Variants in MPHOSPH9 observed in about 807,000 individuals in gnomAD.
MPHOSPH9 encodes M-phase phosphoprotein 9.
In MPHOSPH9, 88 loss-of-function variants were observed where a neutral mutation model predicts 145.5. The observed-to-expected ratio is 0.60, with a 90% CI of 0.51 to 0.72. The LOEUF is 0.72. MPHOSPH9 is among the 30% of genes least tolerant of loss of function. MPHOSPH9 has a pLI of 0.00. For missense variants in MPHOSPH9, 1,238 were observed against 1,386.6 expected (o/e 0.89, Z 1.70); for synonymous variants, 435 against 486.2 (o/e 0.89, Z 1.39).
intron 13 of MPHOSPH9, among the ~76,000 whole-genome samples, chr12:123,189,208 C>T (rs2045572383): frequency 6.6e-6 from 1 of 152,146 alleles, no homozygotes; most frequent in Non-Finnish European, 1.5e-5. Flanking sequence ...GTGGCCTTAG[C>T]TGACAGCCAC....
intron 13 of MPHOSPH9, among the ~76,000 whole-genome samples, chr12:123,188,937 G>A (rs899646358): frequency 5.3e-5 from 8 of 152,132 alleles, no homozygotes; most frequent in African/African-American, 1.9e-4. Context: ...TCAGAGGGCT[G>A]AGGCAGGAAG....
rs181767376 is a variant in MPHOSPH9 at position 123,185,756 on chromosome 12, T to A, written c.2242-4546A>T. Among the ~76,000 whole-genome samples the A allele has an allele frequency of 1.2e-4, 18 of 151,950 alleles. No homozygotes were observed. In the East Asian group the frequency reaches 2.3e-3, roughly 20 times the overall value. ...GTGAGATCCTGTCTCAAAGAAATGA[T>A]AACAATAAATGCAATGTGTGATCCT... is the stretch of plus-strand genomic sequence containing the variant. On this transcript the variant is annotated intron_variant, in intron 13 of 23. Transcript: ENST00000606320.
At chr12:123,236,015 G>A (rs1794874298), upstream of MPHOSPH9, among the ~76,000 whole-genome samples, 1 of 152,008 alleles carries the variant, frequency 6.6e-6, no homozygotes, top group South Asian at 2.1e-4. Flanking sequence ...AGTGAGCCAA[G>A]ATGGTGCCAC....
At chr12:123,226,386 C>A in intron 3 of MPHOSPH9, 1 of 976,410 alleles carries the variant, frequency 1.0e-6, no homozygotes, top group African/African-American at 1.7e-5. Context: ...TCTAAAAGTA[C>A]AATTAACGTT....
chr12:123,201,686 G>T (rs777235539), intron 11 of MPHOSPH9, among the ~76,000 whole-genome samples: 2 of 152,010 alleles, frequency 1.3e-5, no homozygotes, highest in Non-Finnish European at 2.9e-5. Context: ...ATCAAGTCCC[G>T]TTTAATGGTA....
In MPHOSPH9 at chr12:123,218,476, T is replaced by G. The variant is rs772963419; in HGVS notation, c.896A>C (p.Gln299Pro). 6.2e-7 allele frequency: 1 copy of G among 1,614,042 alleles called. No individual in the cohort carries two copies. The highest frequency in any genetic ancestry group is 8.5e-7 in the Non-Finnish European group (1 of 1,179,910). ...CTTTGGTTGGTTCTGCTTCAGTTTT[T>G]GTGCCCATGATGTTATAGCATTACT... ...TNSNAITSWA[Q>P]KLKQNQPKRA... The change falls in exon 6 of 24, where the codon CAA becomes CCA. Residue 299 changes from glutamine (Q) to proline (P), a missense_variant. Gln to Pro is a moderately conservative substitution (Grantham distance 76, BLOSUM62 -1). Coordinates refer to ENST00000606320, the MANE Select transcript of MPHOSPH9 (RefSeq NM_022782.4).
chr12:123,221,020 A>G (rs2047176686), intron 5 of MPHOSPH9, among the ~76,000 whole-genome samples: 1 of 152,216 alleles, frequency 6.6e-6, no homozygotes, highest in Admixed American at 6.5e-5. Flanking sequence ...GCGCCACTGC[A>G]CTCCAGCCTG....
At chr12:123,166,526 TA>T in intron 17 of MPHOSPH9, 128 bp downstream of exon 17, 1 of 1,057,316 alleles carries the variant, frequency 9.5e-7, no homozygotes, top group Non-Finnish European at 1.4e-6. Context: ...CAAAGTAAAA[TA>T]AAAGTCAGGT....
chr12:123,196,088 G>C (rs2045931370), intron 12 of MPHOSPH9, among the ~76,000 whole-genome samples: 2 of 151,650 alleles, frequency 1.3e-5, no homozygotes, highest in African/African-American at 4.8e-5. Context: ...TACGCTGGGT[G>C]CCAGTAACCC....
In MPHOSPH9 at chr12:123,184,864, T is replaced by C. The variant is rs367743286; in HGVS notation, c.2242-3654A>G. Among the ~76,000 whole-genome samples the C allele has an allele frequency of 1.2e-4, 18 of 152,048 alleles. No homozygotes were observed. The East Asian group carries it at 1.7e-3, about 15-fold the overall frequency. On this transcript the variant is annotated intron_variant, in intron 13 of 23. Coordinates refer to ENST00000606320, the MANE Select transcript of MPHOSPH9 (RefSeq NM_022782.4). ...TGTCACCCAGGCTGGTGTGCAGTGGTGTGATCTCAACTCACTGCAATCTCC... is the reference window on the plus strand; with the variant it reads ...TGTCACCCAGGCTGGTGTGCAGTGGCGTGATCTCAACTCACTGCAATCTCC...
intron 14 of MPHOSPH9, 83 bp from the exon 15 acceptor site, chr12:123,180,073 C>A: frequency 1.3e-6 from 1 of 762,178 alleles, no homozygotes; most frequent in South Asian, 2.4e-5. Flanking sequence ...GAAAATGAAT[C>A]TAAGGCTAAA....
rs539934502 is a variant in MPHOSPH9, at chr12:123,179,349, G to A, written c.2354+577C>T. On this transcript the variant is annotated intron_variant, in intron 15 of 23. Transcript: ENST00000606320. ...AGCACCTTGGCAAGCCGAGGCAGGC[G>A]GATCACTTGAGGTCAGGAGTTCAAG... 1.1e-4 allele frequency among the ~76,000 whole-genome samples: 16 copies of A among 152,142 alleles called. No individual in the cohort carries two copies. In the South Asian group the frequency reaches 3.1e-3, roughly 30 times the overall value.
upstream of MPHOSPH9, among the ~76,000 whole-genome samples, chr12:123,235,785 C>A (rs1019288562): frequency 1.3e-5 from 2 of 151,642 alleles, no homozygotes; most frequent in Admixed American, 1.3e-4. Context: ...GAAAGTTGGC[C>A]GGGCGTGGTG....
At chr12:123,187,320 A>C (rs2138173693) in intron 13 of MPHOSPH9, among the ~76,000 whole-genome samples, 2 of 152,264 alleles carry the variant, frequency 1.3e-5, no homozygotes, top group East Asian at 3.9e-4. Context: ...AAATACTAGA[A>C]TATGATATAC....
At chr12:123,173,142 C>A (rs1311049588) in intron 16 of MPHOSPH9, among the ~76,000 whole-genome samples, 1 of 152,072 alleles carries the variant, frequency 6.6e-6, no homozygotes, top group South Asian at 2.1e-4. Context: ...TCCCAAAGTG[C>A]TGGGATTAAA....
At position 123,159,827 on chromosome 12, in the gene MPHOSPH9, T is replaced by C. The variant is rs958856531; in HGVS notation, c.3450+954A>G. 1 of 152,204 alleles carries C rather than the reference T, an allele frequency of 6.6e-6. No individual in the cohort carries two copies. Among genetic ancestry groups the C allele is most frequent in the African/African-American group, 2.4e-5 (1 of 41,454 alleles). The allele number at this position is 152,204 out of a possible 1,614,324, so 9.4% of individuals were successfully genotyped here. ...TGTACGTTAATTTAAAAGGATGTTA[T>C]AGAAAGATATTTCATAACATGAAAA... On this transcript the variant is annotated intron_variant, in intron 23 of 23. Transcript: ENST00000606320. This position sits in a 1 kb window ranked among gnomAD's most constrained non-coding sequence, Gnocchi z 4.3.
At chr12:123,226,520 A>ATT (rs774539236) in intron 3 of MPHOSPH9, among the ~76,000 whole-genome samples, 2 of 149,580 alleles carry the variant, frequency 1.3e-5, no homozygotes, top group Non-Finnish European at 3.0e-5. Flanking sequence ...ATTTATATAT[A>ATT]CTTTTTTTTT....
chr12:123,243,390 C>T (rs573069692), intron 1 of MPHOSPH9, among the ~76,000 whole-genome samples: 55 of 152,226 alleles, frequency 3.6e-4, no homozygotes, highest in Admixed American at 2.0e-4. Context: ...ATTAGCCGGA[C>T]GTGGTGGCAG....
At chr12:123,163,881 C>A in intron 19 of MPHOSPH9, 69 bp downstream of exon 19, 1 of 1,583,138 alleles carries the variant, frequency 6.3e-7, no homozygotes, top group African/African-American at 1.3e-5. Context: ...AGGCAAGCAG[C>A]GGGCACAAAT....
Sources: allele counts gnomAD v4.1 joint callset (sites outside exome capture counted in the v4.1 genomes callset), GRCh38; gene constraint gnomAD v4.1.1; non-coding constraint Gnocchi (gnomAD v3.1); transcripts MANE v1.5; gene names NCBI Gene and HGNC (gene_info 2026-07-23, HGNC 2026-07-21).